ZSCAN25: variants seen among roughly 807,000 people sequenced by gnomAD.
The protein encoded by ZSCAN25 is zinc finger and SCAN domain containing 25, also known as zinc finger and SCAN domain-containing protein 25.
A neutral mutation model predicts 38.7 loss-of-function variants in ZSCAN25; 27 were observed. The observed-to-expected ratio is 0.70, with a 90% CI of 0.51 to 0.96. ZSCAN25 has a LOEUF of 0.96. ZSCAN25 is among the 40% of genes least tolerant of loss of function. The pLI is 0.00. For synonymous variants in ZSCAN25, 273 were observed against 277.7 expected, an observed-to-expected ratio of 0.98 and a Z score of 0.17; for missense variants, 637 against 705.9, an observed-to-expected ratio of 0.90 and a Z score of 1.11.
At chr7:99,734,822 A>G in the ZSCAN25 span, among the ~76,000 whole-genome samples, 1 of 152,008 alleles carries the variant, frequency 6.6e-6, no homozygotes, top group Non-Finnish European at 1.5e-5. Flanking sequence ...GGGTTTCACC[A>G]TATTAGCCAG....
At chr7:99,643,818 C>T in the ZSCAN25 span, among the ~76,000 whole-genome samples, 2 of 151,610 alleles carry the variant, frequency 1.3e-5, no homozygotes, top group Non-Finnish European at 2.9e-5. Flanking sequence ...TGGGTTCAGG[C>T]ACACTGTGCA....
intron 6 of ZSCAN25, 63 bp from the exon 7 acceptor site, chr7:99,623,994 C>T: frequency 6.2e-7 from 1 of 1,609,418 alleles, no homozygotes; most frequent in African/African-American, 1.3e-5. Flanking sequence ...GGATTACAGA[C>T]ATGAGCCACT....
the ZSCAN25 span, chr7:99,699,904 G>A: frequency 1.8e-6 from 2 of 1,090,396 alleles, no homozygotes; most frequent in Non-Finnish European, 2.8e-6. Context: ...AGGGAACAGG[G>A]GCCTGAGTAG....
At chr7:99,725,053 C>T in the ZSCAN25 span, among the ~76,000 whole-genome samples, 3 of 152,050 alleles carry the variant, frequency 2.0e-5, no homozygotes, top group African/African-American at 7.2e-5. Context: ...AGATGGACTC[C>T]CCAGGTATAG....
chr7:99,672,328 G>T, the ZSCAN25 span, among the ~76,000 whole-genome samples: 4 of 152,072 alleles, frequency 2.6e-5, no homozygotes, highest in African/African-American at 9.7e-5. Flanking sequence ...GGGATTACAG[G>T]CATGAGCCAT....
the ZSCAN25 span, among the ~76,000 whole-genome samples, chr7:99,716,657 A>G: frequency 6.6e-6 from 1 of 152,052 alleles, no homozygotes; most frequent in Non-Finnish European, 1.5e-5. Context: ...TGCCCCACCT[A>G]TAGCGTTTTT....
chr7:99,674,155 T>C, the ZSCAN25 span: 240 of 165,538 alleles, frequency 1.4e-3, no homozygotes, highest in African/African-American at 5.3e-3. Flanking sequence ...ATTTCAACTT[T>C]ACACAAAAAT....
the ZSCAN25 span, among the ~76,000 whole-genome samples, chr7:99,703,105 G>T: frequency 6.6e-6 from 1 of 152,174 alleles, no homozygotes; most frequent in Non-Finnish European, 1.5e-5. Context: ...TCCTGCAACT[G>T]CAACTTTACT....
chr7:99,695,673 G>A, the ZSCAN25 span: 1 of 1,262,196 alleles, frequency 7.9e-7, no homozygotes, highest in Non-Finnish European at 1.1e-6. Flanking sequence ...CTGAGGAGAA[G>A]CAGTTTTACT....
chr7:99,676,487 G>A, the ZSCAN25 span: 1 of 1,400,178 alleles, frequency 7.1e-7, no homozygotes, highest in Non-Finnish European at 9.5e-7. Context: ...AAATGCTCCT[G>A]AGAGGTTCAG....
At chr7:99,706,400 C>T in the ZSCAN25 span, among the ~76,000 whole-genome samples, 2 of 152,136 alleles carry the variant, frequency 1.3e-5, no homozygotes, top group African/African-American at 4.8e-5. Flanking sequence ...TGTCTGAGCA[C>T]ACATACAGGA....
At position 99,629,906 on chromosome 7, in the gene ZSCAN25, C is replaced by G; in HGVS notation, c.1521C>G (p.Ile507Met). The G allele has an allele frequency of 6.2e-7, 1 of 1,614,204 alleles. No homozygotes were observed. The highest frequency in any genetic ancestry group is 1.7e-5 in the Admixed American group (1 of 60,026). ...KGERLVRHQR[I>M]HTGEKPYHCP... ...AGCGGCTGGTCCGACACCAGAGAAT[C>G]CATACAGGGGAGAAGCCCTACCACT... The change falls in exon 8 of 8, where the codon ATC becomes ATG. Residue 507 changes from isoleucine to methionine, a missense_variant. By Grantham distance (10) the Ile-to-Met change is conservative. Coordinates refer to ENST00000394152, the MANE Select transcript of ZSCAN25 (RefSeq NM_145115.3). The surrounding 1 kb of genome is among the most constrained non-coding windows in gnomAD (Gnocchi z 5.6).
chr7:99,672,669 C>T, the ZSCAN25 span: 1 of 1,614,078 alleles, frequency 6.2e-7, no homozygotes, highest in Non-Finnish European at 8.5e-7. Flanking sequence ...GGGAGTTGAC[C>T]TTCATACGTT....
chr7:99,670,830 C>T, the ZSCAN25 span: 1 of 152,184 alleles, frequency 6.6e-6, no homozygotes, highest in Non-Finnish European at 1.5e-5. Flanking sequence ...AGAATTGCAA[C>T]TACTTCCATC....
chr7:99,627,255 A>G (rs1807555933), intron 7 of ZSCAN25, among the ~76,000 whole-genome samples: 1 of 152,242 alleles, frequency 6.6e-6, no homozygotes, highest in African/African-American at 2.4e-5. Flanking sequence ...CATCTAAGAA[A>G]ATAAACATAA....
the ZSCAN25 span, among the ~76,000 whole-genome samples, chr7:99,718,593 A>T: frequency 2.6e-5 from 4 of 152,328 alleles, 1 homozygote; most frequent in African/African-American, 9.6e-5. Context: ...ATTCTTGATG[A>T]TGAAAGACCA....
chr7:99,730,424 A>G, the ZSCAN25 span: 1 of 152,864 alleles, frequency 6.5e-6, no homozygotes, highest in African/African-American at 2.4e-5. Context: ...AAGGAAAAGA[A>G]GTAAAGCAGA....
At chr7:99,664,046 CAGAG>C in the ZSCAN25 span, 2 of 1,598,612 alleles carry the variant, frequency 1.3e-6, no homozygotes, top group Non-Finnish European at 1.7e-6. Context: ...CTTTTGGAAA[CAGAG>C]AGACATTTAA....
At chr7:99,671,814 G>A in the ZSCAN25 span, 5 of 702,920 alleles carry the variant, frequency 7.1e-6, no homozygotes, top group Middle Eastern at 6.9e-4. Context: ...CTGTAGGACA[G>A]CAGGAGGGAG....
Sources: gnomAD v4.1 joint callset for allele counts (sites outside exome capture counted in the v4.1 genomes callset) on GRCh38, gnomAD v4.1.1 for gene constraint, Gnocchi (gnomAD v3.1) non-coding constraint, MANE v1.5 for transcripts, NCBI Gene and HGNC (gene_info 2026-07-23, HGNC 2026-07-21) for gene names.